ABCB4: variants seen among roughly 807,000 people sequenced by gnomAD.
ABCB4 encodes the protein phosphatidylcholine translocator ABCB4.
Under a neutral mutation model 145.7 loss-of-function variants are expected in ABCB4, and 76 were observed. That is an observed-to-expected ratio of 0.52 (90% CI 0.43 to 0.63). ABCB4 has a LOEUF of 0.63. ABCB4 is among the 30% of genes least tolerant of loss of function. The pLI is 0.00. For missense variants in ABCB4, 1,234 were observed against 1,553.1 expected, an observed-to-expected ratio of 0.79 and a Z score of 3.45; for synonymous variants, 517 against 566.8, an observed-to-expected ratio of 0.91 and a Z score of 1.25.
At chr7:87,452,799 G>T in intron 6 of ABCB4, 145 bp downstream of exon 6, 1 of 946,744 alleles carries the variant, frequency 1.1e-6, no homozygotes, top group Non-Finnish European at 1.6e-6. Context: ...TATAGATGCT[G>T]CTAGACATGG....
At chr7:87,442,970 T>C (rs1463715401) in intron 12 of ABCB4, among the ~76,000 whole-genome samples, 1 of 152,190 alleles carries the variant, frequency 6.6e-6, no homozygotes, top group Non-Finnish European at 1.5e-5. Context: ...CTAATTGTCA[T>C]CAATTGTTCC....
the ABCB4 span, among the ~76,000 whole-genome samples, chr7:87,371,649 A>AC: frequency 2.6e-5 from 4 of 152,278 alleles, no homozygotes; most frequent in Middle Eastern, 6.8e-3. Context: ...ATGTGAGGAC[A>AC]CCCACTTCTC....
chr7:87,382,536 C>T, the ABCB4 span: 7 of 1,613,380 alleles, frequency 4.3e-6, 1 homozygote, highest in South Asian at 7.7e-5. Context: ...TTACAGACTT[C>T]ATGGACAGTA....
chr7:87,369,978 C>T, the ABCB4 span, among the ~76,000 whole-genome samples: 6 of 149,316 alleles, frequency 4.0e-5, no homozygotes, highest in African/African-American at 1.3e-4. Context: ...CAACAGTTAC[C>T]AACTCCTAGC....
At chr7:87,424,103 G>C (rs370862250) in intron 16 of ABCB4, 51 bp from the exon 17 acceptor site, 122 of 1,612,532 alleles carry the variant, frequency 7.6e-5, no homozygotes, top group Non-Finnish European at 1.0e-4. Flanking sequence ...ACAGTTACCA[G>C]AGTCTGTAGA....
chr7:87,411,937 T>C lies in ABCB4; in HGVS notation c.2880A>G (p.Ala960=), dbSNP rs2116405877. 6.2e-7 allele frequency: 1 copy of C among 1,613,954 alleles called. No homozygotes were observed. The highest frequency in any genetic ancestry group is 8.5e-7 in the Non-Finnish European group (1 of 1,179,844). The stretch of plus-strand genomic sequence containing the variant: ...GCATATGTCCATTCACAATGAGATA[T>C]GCACCAAATCGAAAACAACCGGCAT... ...FSYAGCFRFG[A]YLIVNGHMRF... The change falls in exon 23 of 28, where the codon GCA becomes GCG. Residue 960 remains alanine, a synonymous_variant. Transcript: ENST00000649586.
chr7:87,411,859 A>G (rs1212997374), intron 23 of ABCB4, 34 bp downstream of exon 23: 11 of 1,600,754 alleles, frequency 6.9e-6, no homozygotes, highest in South Asian at 5.5e-5. Context: ...AAACCTTATT[A>G]TAGAATAATC....
chr7:87,413,526 T>G (rs1284569663), intron 22 of ABCB4, 91 bp downstream of exon 22: 1 of 869,286 alleles, frequency 1.2e-6, no homozygotes, highest in East Asian at 2.4e-5. Context: ...TATCATTGTT[T>G]GGAGCAGCAG....
At chr7:87,465,235 G>T (rs910800707) in intron 3 of ABCB4, among the ~76,000 whole-genome samples, 4 of 152,198 alleles carry the variant, frequency 2.6e-5, no homozygotes, top group Admixed American at 6.5e-5. Flanking sequence ...TACATCCCAC[G>T]CCTGGCTCAG....
the ABCB4 span, among the ~76,000 whole-genome samples, chr7:87,384,498 C>T: frequency 6.6e-6 from 1 of 152,218 alleles, no homozygotes; most frequent in Non-Finnish European, 1.5e-5. Context: ...TGCCACTGCA[C>T]TCCAGCCTGG....
intron 26 of ABCB4, among the ~76,000 whole-genome samples, chr7:87,403,555 C>T (rs1229444891): frequency 6.6e-6 from 1 of 152,128 alleles, no homozygotes; most frequent in Non-Finnish European, 1.5e-5. Flanking sequence ...ATCAATAAGT[C>T]ATTTGTTGTC....
the ABCB4 span, among the ~76,000 whole-genome samples, chr7:87,384,892 C>T: frequency 2.4e-3 from 370 of 152,260 alleles, 1 homozygote; most frequent in Middle Eastern, 6.8e-3. Context: ...ATTTTGTACA[C>T]GGTAAGAGAT....
At chr7:87,418,671 GA>G in intron 19 of ABCB4, 51 bp from the exon 20 acceptor site, 1 of 1,571,052 alleles carries the variant, frequency 6.4e-7, no homozygotes, top group Non-Finnish European at 8.7e-7. Flanking sequence ...AACAAGCAAA[GA>G]AAACCAGACA....
chr7:87,379,389 T>G, the ABCB4 span, among the ~76,000 whole-genome samples: 2 of 152,208 alleles, frequency 1.3e-5, no homozygotes, highest in Non-Finnish European at 2.9e-5. Context: ...CATTATATGT[T>G]AAATTGTTCA....
chr7:87,423,737 G>C (rs1375471005), intron 17 of ABCB4, 169 bp downstream of exon 17: 2 of 734,508 alleles, frequency 2.7e-6, no homozygotes, highest in African/African-American at 1.8e-5. Flanking sequence ...TGATTCAAAG[G>C]CTACTTATCT....
chr7:87,470,128 C>G (rs1271164400), intron 3 of ABCB4, among the ~76,000 whole-genome samples: 3 of 152,208 alleles, frequency 2.0e-5, no homozygotes, highest in African/African-American at 7.2e-5. Flanking sequence ...AAAGGATTCC[C>G]TATTTAACAA....
intron 6 of ABCB4, chr7:87,452,513 G>A (rs559467141): frequency 4.3e-6 from 1 of 232,810 alleles, no homozygotes; most frequent in South Asian, 6.1e-5. Context: ...TTTGTTCACT[G>A]ATATATTACG....
At chr7:87,427,807 A>G (rs1809943717) in intron 15 of ABCB4, among the ~76,000 whole-genome samples, 1 of 152,150 alleles carries the variant, frequency 6.6e-6, no homozygotes, top group Admixed American at 6.5e-5. Context: ...CCATGTGCTT[A>G]TATATTGCCT....
intron 21 of ABCB4, among the ~76,000 whole-genome samples, chr7:87,414,862 A>G (rs1808861401): frequency 6.6e-6 from 1 of 152,130 alleles, no homozygotes; most frequent in South Asian, 2.1e-4. Flanking sequence ...ATATGATCTC[A>G]TTTAGCCTCA....
Sources: allele counts gnomAD v4.1 joint callset (sites outside exome capture counted in the v4.1 genomes callset), GRCh38; gene constraint gnomAD v4.1.1; transcripts MANE v1.5; gene names NCBI Gene and HGNC (gene_info 2026-07-23, HGNC 2026-07-21).